KCTD21: variants seen among roughly 807,000 people sequenced by gnomAD.
The protein encoded by KCTD21 is BTB/POZ domain-containing protein KCTD21.
Under a neutral mutation model 13.2 loss-of-function variants are expected in KCTD21, and 9 were observed. The ratio of observed to expected loss-of-function variants is 0.68; its 90% CI spans 0.41 to 1.19. KCTD21 has a LOEUF of 1.19. Ranked by LOEUF, KCTD21 falls within the 50% of genes most tolerant of loss-of-function variation. The pLI is 0.01. For synonymous variants in KCTD21, 142 were observed against 137.4 expected, an observed-to-expected ratio of 1.03 and a Z score of -0.23; for missense variants, 303 against 336.5, an observed-to-expected ratio of 0.90 and a Z score of 0.78.
At chr11:78,181,660 T>C (rs749061225) in intron 1 of KCTD21, among the ~76,000 whole-genome samples, 1 of 152,122 alleles carries the variant, frequency 6.6e-6, no homozygotes, top group African/African-American at 2.4e-5. Context: ...AAAGGGTGAA[T>C]TGTGGCCAGC....
At chr11:78,179,227 C>T (rs927805691) in intron 1 of KCTD21, among the ~76,000 whole-genome samples, 11 of 150,372 alleles carry the variant, frequency 7.3e-5, no homozygotes, top group African/African-American at 2.7e-4. Context: ...TTAGTAGAGA[C>T]GGGTTTCACC....
intron 1 of KCTD21, chr11:78,187,135 G>C: frequency 2.0e-6 from 2 of 985,378 alleles, no homozygotes; most frequent in Non-Finnish European, 2.4e-6. Context: ...CACGTGGCTG[G>C]GTAAATTTCA....
intron 1 of KCTD21, among the ~76,000 whole-genome samples, chr11:78,179,550 A>G (rs138411123): frequency 6.6e-6 from 1 of 152,186 alleles, no homozygotes; most frequent in Non-Finnish European, 1.5e-5. Flanking sequence ...CCCAGAGCTC[A>G]GGCCTCATCC....
intron 1 of KCTD21, among the ~76,000 whole-genome samples, chr11:78,182,300 C>A (rs71473372): frequency 2.7e-4 from 38 of 138,934 alleles, no homozygotes; most frequent in East Asian, 1.2e-3. Flanking sequence ...CCAAAGCACC[C>A]CCCCCCCCTC....
In KCTD21 at chr11:78,173,746, C is replaced by T. The variant is rs368809886; in HGVS notation, c.*26G>A. On this transcript the variant is annotated 3_prime_UTR_variant, in exon 2 of 2. Transcript: ENST00000340067. ...GCTGACATGAGCTTCCTGGGACTCC[C>T]CATCTCCAGTGTTGTTGGGGTCCTT... 1.3e-6 allele frequency: 2 copies of T among 1,580,994 alleles called. No individual in the cohort carries two copies. The highest frequency in any genetic ancestry group is 1.3e-5 in the African/African-American group (1 of 74,194).
Position 78,172,889 on chromosome 11 carries a change from AGG to A in KCTD21, c.*881_*882del, listed in dbSNP as rs1862319547. 1 of 152,480 alleles carries A rather than the reference AGG, an allele frequency of 6.6e-6. No individual in the cohort carries two copies. Among genetic ancestry groups the A allele is most frequent in the Admixed American group, 6.6e-5 (1 of 15,266 alleles). 9.4% of individuals were successfully genotyped at this position (152,480 alleles called of 1,614,324 possible). On this transcript the variant is annotated 3_prime_UTR_variant, in exon 2 of 2. Coordinates refer to ENST00000340067, the MANE Select transcript of KCTD21 (RefSeq NM_001029859.3). The stretch of plus-strand genomic sequence containing the variant: ...ATCTTCAGATGTGCTGGGGTGTTCT[AGG>A]GGTGGGGGAGGACTAAGCAATCATC...
Position 78,173,841 on chromosome 11 carries a change from G to C in KCTD21, c.714C>G (p.Ile238Met). The C allele has an allele frequency of 6.2e-7, 1 of 1,614,170 alleles. No homozygotes were observed. Among genetic ancestry groups the C allele is most frequent in the Non-Finnish European group, 8.5e-7 (1 of 1,180,032 alleles). ...CCAGAGCATGTGGGTGAGAAGAATCGATGCAGAAGCCATCGCTCAGAGCGA... is the reference window on the plus strand; with the variant it reads ...CCAGAGCATGTGGGTGAGAAGAATCCATGCAGAAGCCATCGCTCAGAGCGA... ...LKIALSDGFC[I>M]DSSHPHALDF... Residue 238 changes from isoleucine to methionine, a missense_variant, in exon 2 of 2, where the codon ATC becomes ATG. Ile to Met is a conservative substitution (Grantham distance 10). Transcript: ENST00000340067.
chr11:78,186,511 C>A (rs1312911225), intron 1 of KCTD21, among the ~76,000 whole-genome samples: 1 of 151,584 alleles, frequency 6.6e-6, no homozygotes, highest in Non-Finnish European at 1.5e-5. Context: ...ACTAGCTGTG[C>A]AGCCCTGGGC....
chr11:78,180,187 A>C (rs1303770317), intron 1 of KCTD21, among the ~76,000 whole-genome samples: 1 of 152,232 alleles, frequency 6.6e-6, no homozygotes, highest in Non-Finnish European at 1.5e-5. Context: ...ACCATTAAAA[A>C]CATCAATAAA....
intron 1 of KCTD21, chr11:78,176,409 CT>C (rs1379735808): frequency 6.6e-6 from 1 of 152,290 alleles, no homozygotes; most frequent in African/African-American, 2.4e-5. Flanking sequence ...CAAAGCCCCC[CT>C]AATCTCTCAG....
At chr11:78,188,139 G>A (rs1040573720) in intron 1 of KCTD21, 111 of 985,254 alleles carry the variant, frequency 1.1e-4, no homozygotes, top group Non-Finnish European at 1.2e-4. Flanking sequence ...TGTCATCTGT[G>A]TCTCCGCCCT....
chr11:78,173,353 G>A lies in KCTD21; in HGVS notation c.*419C>T. ...GGAACCGCTGGGGACTTTATGTCCT[G>A]GTTAACTGGAGGTAGCCTCTTGTTC... On this transcript the variant is annotated 3_prime_UTR_variant, in exon 2 of 2. Transcript: ENST00000340067. 6.0e-6 allele frequency: 1 copy of A among 166,520 alleles called. No homozygotes were observed. Among genetic ancestry groups the A allele is most frequent in the Admixed American group, 5.6e-5 (1 of 18,018 alleles). The allele number at this position is 166,520 out of a possible 1,614,324, so 10.3% of individuals were successfully genotyped here.
At chr11:78,182,939 G>C (rs912926276) in intron 1 of KCTD21, among the ~76,000 whole-genome samples, 3 of 152,152 alleles carry the variant, frequency 2.0e-5, no homozygotes, top group Non-Finnish European at 4.4e-5. Context: ...GACTTACCAT[G>C]CAATCCTGTC....
At chr11:78,181,615 A>G (rs1447471899) in intron 1 of KCTD21, among the ~76,000 whole-genome samples, 1 of 152,164 alleles carries the variant, frequency 6.6e-6, no homozygotes, top group African/African-American at 2.4e-5. Flanking sequence ...TGTGTTTATA[A>G]AGACTGTCAA....
intron 1 of KCTD21, chr11:78,188,279 C>G (rs1026596368): frequency 1.8e-5 from 18 of 984,746 alleles, no homozygotes; most frequent in Non-Finnish European, 1.9e-5. Flanking sequence ...CTTGCCCCAC[C>G]CACCAAGGAC....
chr11:78,181,581 T>G (rs1206725040), intron 1 of KCTD21, among the ~76,000 whole-genome samples: 2 of 152,198 alleles, frequency 1.3e-5, no homozygotes, highest in Admixed American at 1.3e-4. Flanking sequence ...GGCACAAAAG[T>G]AATATGATGT....
intron 1 of KCTD21, among the ~76,000 whole-genome samples, chr11:78,183,008 C>T (rs1862674169): frequency 6.6e-6 from 1 of 152,188 alleles, no homozygotes; most frequent in South Asian, 2.1e-4. Context: ...GTCCATCTAT[C>T]ATCTATCTAT....
chr11:78,173,636 G>T lies in KCTD21; in HGVS notation c.*136C>A. The T allele has an allele frequency of 1.3e-6, 1 of 756,022 alleles. No homozygotes were observed. The highest frequency in any genetic ancestry group is 2.5e-5 in the East Asian group (1 of 40,516). 46.8% of individuals were successfully genotyped at this position (756,022 alleles called of 1,614,324 possible). A position where few individuals can be genotyped will look rare whatever the true frequency, so the allele number is the denominator to read the frequency against. ...TTCCAAAAGGTGGACTTCATCATGG[G>T]GGGAATCAAGTCCTGCTACACAATT... On this transcript the variant is annotated 3_prime_UTR_variant, in exon 2 of 2. Coordinates refer to ENST00000340067, the MANE Select transcript of KCTD21 (RefSeq NM_001029859.3).
intron 1 of KCTD21, among the ~76,000 whole-genome samples, chr11:78,177,256 C>A (rs1204525519): frequency 6.6e-6 from 1 of 152,214 alleles, no homozygotes; most frequent in Non-Finnish European, 1.5e-5. Flanking sequence ...TATGTCCCCT[C>A]ATGATTCCTC....
Sources: allele counts gnomAD v4.1 joint callset (sites outside exome capture counted in the v4.1 genomes callset), GRCh38; gene constraint gnomAD v4.1.1; transcripts MANE v1.5; gene names NCBI Gene and HGNC (gene_info 2026-07-23, HGNC 2026-07-21).